The following CSMD3 variants were observed in gnomAD, a reference collection of about 807,000 sequenced individuals.
The protein encoded by CSMD3 is CUB and sushi domain-containing protein 3.
CSMD3 carries 177 observed loss-of-function variants against 435.2 expected under a neutral mutation model. That is an observed-to-expected ratio of 0.41 (90% CI 0.36 to 0.46). The LOEUF is 0.46. Ranked by LOEUF, CSMD3 falls within the 20% of genes least tolerant of loss-of-function variation. CSMD3 has a pLI of 0.34. For synonymous variants in CSMD3, 1,656 were observed against 1,520.5 expected, an observed-to-expected ratio of 1.09 and a Z score of -2.07; for missense variants, 4,265 against 4,504.6, an observed-to-expected ratio of 0.95 and a Z score of 1.52.
chr8:113,364,784 T>C (rs2094300611), intron 1 of CSMD3, among the ~76,000 whole-genome samples: 1 of 152,086 alleles, frequency 6.6e-6, no homozygotes, highest in Non-Finnish European at 1.5e-5. Context: ...GCTAAAACTA[T>C]ATTTCTTTAA....
rs548585237 is a variant in CSMD3 at position 112,270,646 on chromosome 8, T to TA, written c.9509-5057dup. 2.5e-3 allele frequency among the ~76,000 whole-genome samples: 376 copies of TA among 152,200 alleles called. 1 individual carries two copies. Among genetic ancestry groups the TA allele is most frequent in the African/African-American group, 8.4e-3 (347 of 41,542 alleles). On this transcript the variant is annotated intron_variant, in intron 59 of 70. Transcript: ENST00000297405. ...AATGATTTTTTATTAACTGAATCTA[T>TA]AAAAAATCCAGTTCCATTGTATACT... is the stretch of plus-strand genomic sequence containing the variant.
chr8:113,130,066 A>G (rs894726796), intron 4 of CSMD3, among the ~76,000 whole-genome samples: 8 of 151,998 alleles, frequency 5.3e-5, no homozygotes, highest in Admixed American at 5.2e-4. Flanking sequence ...AGCAGCTTAC[A>G]TTTATTAAGC....
intron 5 of CSMD3, among the ~76,000 whole-genome samples, chr8:113,048,158 T>TCTCGG (rs2087922828): frequency 6.7e-6 from 1 of 150,090 alleles, no homozygotes; most frequent in South Asian, 2.1e-4. Context: ...AGTGGCGCGA[T>TCTCGG]CTCGGCTCAC....
At chr8:112,689,060 T>A (rs1235870629) in intron 14 of CSMD3, among the ~76,000 whole-genome samples, 1 of 152,080 alleles carries the variant, frequency 6.6e-6, no homozygotes, top group African/African-American at 2.4e-5. Context: ...CCTCCTAATA[T>A]ATTTTCTTCT....
intron 24 of CSMD3, among the ~76,000 whole-genome samples, chr8:112,564,568 A>G (rs1828917091): frequency 6.6e-6 from 1 of 152,082 alleles, no homozygotes; most frequent in Admixed American, 6.6e-5. Context: ...GGCTTTCAGG[A>G]AATTCAGCAG....
At chr8:112,820,967 C>A (rs978021876) in intron 12 of CSMD3, among the ~76,000 whole-genome samples, 5 of 152,054 alleles carry the variant, frequency 3.3e-5, no homozygotes, top group African/African-American at 4.8e-5. Flanking sequence ...TCCATGTACC[C>A]ACAAAGGATA....
chr8:113,020,720 A>G (rs2086656525), intron 5 of CSMD3, among the ~76,000 whole-genome samples: 1 of 152,226 alleles, frequency 6.6e-6, no homozygotes, highest in Non-Finnish European at 1.5e-5. Flanking sequence ...GGCAAAATAA[A>G]CAGCTGATTT....
At chr8:112,859,398 T>C in intron 10 of CSMD3, 132 bp from the exon 11 acceptor site, 1 of 769,788 alleles carries the variant, frequency 1.3e-6, no homozygotes, top group Non-Finnish European at 2.2e-6. Flanking sequence ...TATTATGGTA[T>C]TCTAATGTCA....
Position 113,268,819 on chromosome 8 carries a change from A to G in CSMD3, c.514+9773T>C, listed in dbSNP as rs573520063. ...GCCACTAATGGAAAAAATGTGGCAT[A>G]TGCATAGCTTTTATAGTCAAGAGGT... On this transcript the variant is annotated intron_variant, in intron 3 of 70. Coordinates refer to ENST00000297405, the MANE Select transcript of CSMD3 (RefSeq NM_198123.2). Among the ~76,000 whole-genome samples, 7 of 152,248 alleles carry G rather than the reference A, an allele frequency of 4.6e-5. No homozygotes were observed. The South Asian group carries it at 1.4e-3, about 32-fold the overall frequency.
chr8:112,511,728 G>A (rs1044416774), intron 28 of CSMD3, among the ~76,000 whole-genome samples: 3 of 152,062 alleles, frequency 2.0e-5, no homozygotes, highest in Admixed American at 6.6e-5. Flanking sequence ...GAAGTCTGCC[G>A]TAGTACTGGA....
In CSMD3 at chr8:113,386,342, C is replaced by A. The variant is rs1236799143; in HGVS notation, c.178+50335G>T. ...CTCCTGAGCAAATTATGTGTTTTCT[C>A]TGTGACTCACTTTCCTTTTCTCTAA... On this transcript the variant is annotated intron_variant, in intron 1 of 70. Coordinates refer to ENST00000297405, the MANE Select transcript of CSMD3 (RefSeq NM_198123.2). Among the ~76,000 whole-genome samples the A allele has an allele frequency of 2.6e-5, 4 of 152,048 alleles. No individual in the cohort carries two copies. In the East Asian group the frequency reaches 7.7e-4, roughly 29 times the overall value.
intron 9 of CSMD3, among the ~76,000 whole-genome samples, chr8:112,925,342 A>T (rs2082875908): frequency 1.3e-5 from 2 of 152,030 alleles, no homozygotes; most frequent in Admixed American, 1.3e-4. Context: ...GAGGATTACG[A>T]GGTCAGGAGA....
At chr8:112,947,703 A>G in intron 9 of CSMD3, 87 bp downstream of exon 9, 4 of 681,676 alleles carry the variant, frequency 5.9e-6, no homozygotes, top group Non-Finnish European at 1.1e-5. Context: ...CTAAGACTTC[A>G]TCTTTATATT....
chr8:112,855,477 CTCTT>C lies in CSMD3; in HGVS notation c.1755+3664_1755+3667del, dbSNP rs1380240554. Among the ~76,000 whole-genome samples, 13 of 152,138 alleles carry C rather than the reference CTCTT, an allele frequency of 8.5e-5. No homozygotes were observed. The South Asian group carries it at 1.7e-3, about 19-fold the overall frequency. ...TAAAATCAATCAGACAAATCAGAAA[CTCTT>C]TCTGTCTAAAAAAGTCAGACTTTGT... On this transcript the variant is annotated intron_variant, in intron 11 of 70. Transcript: ENST00000297405.
At chr8:112,601,012 T>C (rs995288481) in intron 22 of CSMD3, among the ~76,000 whole-genome samples, 7 of 152,072 alleles carry the variant, frequency 4.6e-5, no homozygotes, top group South Asian at 4.1e-4. Flanking sequence ...GAAAACCCAA[T>C]AAATACTGCT....
chr8:113,171,046 G>T (rs1286396900), intron 4 of CSMD3, among the ~76,000 whole-genome samples: 1 of 151,762 alleles, frequency 6.6e-6, no homozygotes, highest in African/African-American at 2.4e-5. Flanking sequence ...TTTAGGGTTA[G>T]ATTTGAACAG....
Position 112,472,637 on chromosome 8 carries a change from A to G in CSMD3, c.5349T>C (p.Ser1783=). ...VLSPNYPKNY[S]VGHNCVYSIA... is the part of the protein sequence containing the mutation. The stretch of plus-strand genomic sequence containing the variant: ...TAGAATAAACACAATTATGTCCCAC[A>G]CTGTAATTTTTTGGATAGTTTGGTG... Residue 1783 remains serine, a synonymous_variant, in exon 32 of 71, where the codon AGT becomes AGC. Coordinates refer to ENST00000297405, the MANE Select transcript of CSMD3 (RefSeq NM_198123.2). 1 of 1,610,928 alleles carries G rather than the reference A, an allele frequency of 6.2e-7. No individual in the cohort carries two copies. The highest frequency in any genetic ancestry group is 2.2e-5 in the East Asian group (1 of 44,776).
At chr8:113,320,444 A>T (rs534972726) in intron 1 of CSMD3, among the ~76,000 whole-genome samples, 1 of 152,218 alleles carries the variant, frequency 6.6e-6, no homozygotes, top group African/African-American at 2.4e-5. Flanking sequence ...CTATATGTAT[A>T]GTAGTTTAAT....
chr8:113,084,490 T>C (rs777717397), intron 5 of CSMD3, among the ~76,000 whole-genome samples: 2 of 151,672 alleles, frequency 1.3e-5, no homozygotes, highest in African/African-American at 2.4e-5. Context: ...TGCTCATGGA[T>C]TGGAAAAATT....
Sources: allele counts gnomAD v4.1 joint callset (sites outside exome capture counted in the v4.1 genomes callset), GRCh38; gene constraint gnomAD v4.1.1; transcripts MANE v1.5; gene names NCBI Gene and HGNC (gene_info 2026-07-23, HGNC 2026-07-21).